ZFAND3: variants seen among roughly 807,000 people sequenced by gnomAD.
ZFAND3 encodes the protein AN1-type zinc finger protein 3.
ZFAND3 carries 10 observed loss-of-function variants against 29.6 expected under a neutral mutation model. The ratio of observed to expected loss-of-function variants is 0.34; its 90% CI spans 0.21 to 0.57. The LOEUF is 0.57. ZFAND3 is among the 20% of genes least tolerant of loss of function. The pLI is 0.86. For synonymous variants in ZFAND3, 128 were observed against 112.6 expected (o/e 1.14, Z -0.87); for missense variants, 230 against 304.5 (o/e 0.76, Z 1.82).
chr6:37,908,786 G>A (rs186177602), intron 1 of ZFAND3, among the ~76,000 whole-genome samples: 14 of 150,928 alleles, frequency 9.3e-5, no homozygotes, highest in Non-Finnish European at 5.9e-5. Flanking sequence ...TTGCTTAGAG[G>A]TACTGAATGC....
intron 1 of ZFAND3, among the ~76,000 whole-genome samples, chr6:37,883,609 C>G (rs1764936616): frequency 7.0e-6 from 1 of 143,434 alleles, no homozygotes. Context: ...GCGGCACAAT[C>G]TTGGCTCACT....
At chr6:38,111,877 G>A (rs186490872) in intron 4 of ZFAND3, among the ~76,000 whole-genome samples, 1 of 152,254 alleles carries the variant, frequency 6.6e-6, no homozygotes, top group Admixed American at 6.5e-5. Flanking sequence ...ACGGGAGGAT[G>A]TATGTAGCTT....
At chr6:38,046,254 G>A (rs1001894568) in intron 2 of ZFAND3, among the ~76,000 whole-genome samples, 3 of 152,208 alleles carry the variant, frequency 2.0e-5, no homozygotes, top group Non-Finnish European at 4.4e-5. Context: ...ATAAGAGTAA[G>A]AGATAATGGG....
At chr6:37,991,197 C>G (rs1304525681) in intron 2 of ZFAND3, among the ~76,000 whole-genome samples, 1 of 152,102 alleles carries the variant, frequency 6.6e-6, no homozygotes, top group East Asian at 1.9e-4. Flanking sequence ...CATTGGTTTC[C>G]AGAACTCAGC....
chr6:38,153,466 A>G lies in ZFAND3; in HGVS notation c.*1077A>G, dbSNP rs985041379. 8 of 985,498 alleles carry G rather than the reference A, an allele frequency of 8.1e-6. No individual in the cohort carries two copies. The highest frequency in any genetic ancestry group is 9.6e-6 in the Non-Finnish European group (8 of 830,092). The allele number at this position is 985,498 out of a possible 1,614,324, so 61.0% of individuals were successfully genotyped here. On this transcript the variant is annotated 3_prime_UTR_variant, in exon 6 of 6. Coordinates refer to ENST00000287218, the MANE Select transcript of ZFAND3 (RefSeq NM_021943.3). ...CAAGGACACCCAGTCCACATCTACC[A>G]TATAGCAAGTTTAGTAAGGGAAGGC... is the stretch of plus-strand genomic sequence containing the variant.
intron 1 of ZFAND3, among the ~76,000 whole-genome samples, chr6:37,862,553 G>A (rs1764511873): frequency 6.6e-6 from 1 of 151,618 alleles, no homozygotes. Flanking sequence ...GCATGGTGGT[G>A]CTTGCCTATA....
At chr6:37,841,728 C>T (rs1764080072) in intron 1 of ZFAND3, among the ~76,000 whole-genome samples, 1 of 152,174 alleles carries the variant, frequency 6.6e-6, no homozygotes, top group African/African-American at 2.4e-5. Flanking sequence ...TGTGATCCAC[C>T]AGCCTCGGCC....
intron 2 of ZFAND3, among the ~76,000 whole-genome samples, chr6:38,010,514 C>T (rs1421852440): frequency 6.6e-6 from 1 of 151,738 alleles, no homozygotes; most frequent in Non-Finnish European, 1.5e-5. Flanking sequence ...CTTTTGTCTT[C>T]AGCTGTTAAG....
intron 1 of ZFAND3, among the ~76,000 whole-genome samples, chr6:37,925,408 C>A (rs1209810778): frequency 6.6e-6 from 1 of 152,066 alleles, no homozygotes; most frequent in Non-Finnish European, 1.5e-5. Context: ...GGACGGGAAT[C>A]AAAAATGGTT....
chr6:37,840,153 A>G (rs1764045901), intron 1 of ZFAND3, among the ~76,000 whole-genome samples: 2 of 151,650 alleles, frequency 1.3e-5, no homozygotes, highest in Non-Finnish European at 2.9e-5. Flanking sequence ...GCTGGAGTGC[A>G]GTGGCGCGAT....
intron 1 of ZFAND3, among the ~76,000 whole-genome samples, chr6:37,833,824 CAAAAAA>C (rs55733520): frequency 4.4e-5 from 3 of 68,026 alleles, no homozygotes; most frequent in Non-Finnish European, 6.2e-5. Flanking sequence ...GACACTGTCT[CAAAAAA>C]AAAAAAAAAA....
intron 4 of ZFAND3, among the ~76,000 whole-genome samples, chr6:38,096,276 G>A (rs12190306): frequency 0.26 from 38,645 of 151,358 alleles, 6,312 homozygotes; most frequent in Non-Finnish European, 0.37. Flanking sequence ...GGGTTTAAGC[G>A]ATTCTCCTGC....
intron 1 of ZFAND3, among the ~76,000 whole-genome samples, chr6:37,851,240 G>A (rs777812681): frequency 6.6e-6 from 1 of 151,386 alleles, no homozygotes; most frequent in South Asian, 2.1e-4. Flanking sequence ...ACCTGCCTTG[G>A]CCTCCTTACG....
At chr6:38,073,069 T>A (rs917536868) in intron 3 of ZFAND3, among the ~76,000 whole-genome samples, 49 of 152,292 alleles carry the variant, frequency 3.2e-4, no homozygotes, top group African/African-American at 1.1e-3. Flanking sequence ...GTGTCACTCA[T>A]CATATTCCAG....
intron 1 of ZFAND3, among the ~76,000 whole-genome samples, chr6:37,824,492 T>G (rs1022054191): frequency 6.6e-6 from 1 of 152,238 alleles, no homozygotes; most frequent in Non-Finnish European, 1.5e-5. Flanking sequence ...ATGGAATTGT[T>G]TTCTAATTCT....
At chr6:37,901,068 A>G (rs892149142) in intron 1 of ZFAND3, among the ~76,000 whole-genome samples, 3 of 152,078 alleles carry the variant, frequency 2.0e-5, no homozygotes, top group South Asian at 2.1e-4. Context: ...AATAAATTCA[A>G]TTTTATTGAA....
intron 5 of ZFAND3, among the ~76,000 whole-genome samples, chr6:38,137,386 T>C (rs561942821): frequency 1.3e-5 from 2 of 152,382 alleles, no homozygotes; most frequent in African/African-American, 2.4e-5. Flanking sequence ...GCACAGTTAC[T>C]AGCATTAAAT....
chr6:37,899,403 T>C (rs116084297), intron 1 of ZFAND3, among the ~76,000 whole-genome samples: 1,752 of 152,280 alleles, frequency 0.012, 9 homozygotes, highest in Non-Finnish European at 0.017. Flanking sequence ...TAATGTGATA[T>C]TAACCTATTA....
chr6:37,960,067 AC>A (rs921228201), intron 2 of ZFAND3, among the ~76,000 whole-genome samples: 17 of 152,244 alleles, frequency 1.1e-4, no homozygotes, highest in African/African-American at 4.1e-4. Flanking sequence ...TTCAAGCAAG[AC>A]CACTGAAATG....
Sources: gnomAD v4.1 joint callset for allele counts (sites outside exome capture counted in the v4.1 genomes callset) on GRCh38, gnomAD v4.1.1 for gene constraint, MANE v1.5 for transcripts, NCBI Gene and HGNC (gene_info 2026-07-23, HGNC 2026-07-21) for gene names.